Variants in GRID2 observed in about 807,000 individuals in gnomAD.
GRID2 encodes the protein glutamate receptor ionotropic, delta-2.
A neutral mutation model predicts 114.8 loss-of-function variants in GRID2; 33 were observed. That is an observed-to-expected ratio of 0.29 (90% CI 0.22 to 0.38). The LOEUF (loss-of-function observed/expected upper bound fraction) is 0.38, where lower values mean the gene tolerates loss of function less well. Ranked by LOEUF, GRID2 falls within the 10% of genes least tolerant of loss-of-function variation. The pLI, the probability that GRID2 is intolerant of heterozygous loss-of-function variation, is 1.00. For synonymous variants in GRID2, 505 were observed against 449.9 expected (o/e 1.12, Z -1.55); for missense variants, 1,184 against 1,257.7 (o/e 0.94, Z 0.89).
intron 1 of GRID2, among the ~76,000 whole-genome samples, chr4:92,586,650 A>G (rs1003314662): frequency 6.6e-6 from 1 of 151,984 alleles, no homozygotes. Flanking sequence ...AATTTAAGCC[A>G]TTATCATTGC....
intron 1 of GRID2, among the ~76,000 whole-genome samples, chr4:92,348,550 A>G (rs1054059164): frequency 3.3e-5 from 5 of 152,208 alleles, no homozygotes; most frequent in Non-Finnish European, 5.9e-5. Flanking sequence ...TAAAAGAGCT[A>G]GTTTCAGCTT....
At chr4:93,192,973 A>G (rs1741134854) in intron 4 of GRID2, among the ~76,000 whole-genome samples, 1 of 152,170 alleles carries the variant, frequency 6.6e-6, no homozygotes, top group South Asian at 2.1e-4. Context: ...AAACAAATGA[A>G]AAGCAAAACA....
At chr4:93,635,711 A>G (rs1488645142) in intron 14 of GRID2, among the ~76,000 whole-genome samples, 3 of 152,102 alleles carry the variant, frequency 2.0e-5, no homozygotes, top group East Asian at 1.9e-4. Flanking sequence ...CGGATATCCT[A>G]TGAGTTTTAG....
At chr4:93,446,805 C>A (rs1722135508) in intron 10 of GRID2, among the ~76,000 whole-genome samples, 1 of 151,994 alleles carries the variant, frequency 6.6e-6, no homozygotes, top group African/African-American at 2.4e-5. Flanking sequence ...CATGGACCAT[C>A]AACATGTGAG....
chr4:92,946,987 G>T (rs146515703), intron 2 of GRID2, among the ~76,000 whole-genome samples: 2 of 152,186 alleles, frequency 1.3e-5, no homozygotes, highest in South Asian at 4.1e-4. Context: ...AAGATGGAAA[G>T]ATTTATAGAA....
At chr4:92,582,713 A>G (rs1192476323) in intron 1 of GRID2, among the ~76,000 whole-genome samples, 1 of 151,986 alleles carries the variant, frequency 6.6e-6, no homozygotes, top group East Asian at 1.9e-4. Flanking sequence ...CTGTGATCTC[A>G]GCGCTTTGGG....
At position 93,772,281 on chromosome 4, in the gene GRID2, A is replaced by G. The variant is rs755714013; in HGVS notation, c.2807A>G (p.Gln936Arg). The change falls in exon 16 of 16, where the codon CAG (glutamine) becomes CGG (arginine). Residue 936 changes from glutamine (Q) to arginine (R), a missense_variant. Coordinates refer to ENST00000282020, the MANE Select transcript of GRID2 (RefSeq NM_001510.4). ...ACCACAACAACCTTTATCCCAGAGC[A>G]GATCCAGACTCTTAGCCGCACACTG... is the stretch of plus-strand genomic sequence containing the variant. ...HITTTTFIPEQIQTLSRTLSA... is the reference protein window; with the variant it reads ...HITTTTFIPERIQTLSRTLSA... The G allele has an allele frequency of 2.5e-6, 4 of 1,614,136 alleles. No homozygotes were observed. In the South Asian group the frequency reaches 3.3e-5, roughly 13 times the overall value.
intron 12 of GRID2, among the ~76,000 whole-genome samples, chr4:93,501,365 G>T (rs2149473966): frequency 6.6e-6 from 1 of 152,078 alleles, no homozygotes; most frequent in African/African-American, 2.4e-5. Flanking sequence ...GAGCCAAAAT[G>T]AAGGTGGATG....
At chr4:92,585,232 G>C (rs1038203248) in intron 1 of GRID2, among the ~76,000 whole-genome samples, 1 of 151,780 alleles carries the variant, frequency 6.6e-6, no homozygotes, top group South Asian at 2.1e-4. Context: ...GAGAGTGAGA[G>C]CATGCACAAA....
At chr4:92,427,809 G>T (rs1038400460) in intron 1 of GRID2, among the ~76,000 whole-genome samples, 10 of 152,058 alleles carry the variant, frequency 6.6e-5, no homozygotes, top group Non-Finnish European at 1.2e-4. Flanking sequence ...TTATCTTAAT[G>T]AATGCAAAGT....
intron 2 of GRID2, among the ~76,000 whole-genome samples, chr4:93,031,122 G>A (rs890472388): frequency 3.4e-5 from 5 of 145,904 alleles, no homozygotes; most frequent in African/African-American, 1.0e-4. Flanking sequence ...CTGCAGCCTC[G>A]GCAACCTCCA....
chr4:92,727,593 GTA>G (rs1279954984), intron 2 of GRID2, among the ~76,000 whole-genome samples: 5 of 152,010 alleles, frequency 3.3e-5, no homozygotes, highest in Non-Finnish European at 1.5e-5. Context: ...TATTTGTGTT[GTA>G]TATGTTACAG....
intron 2 of GRID2, among the ~76,000 whole-genome samples, chr4:92,828,084 A>C (rs1325980506): frequency 6.6e-6 from 1 of 152,018 alleles, no homozygotes; most frequent in Non-Finnish European, 1.5e-5. Context: ...AAAGTCTGAG[A>C]AACTGTATTC....
At chr4:93,678,308 A>G (rs940183567) in intron 14 of GRID2, among the ~76,000 whole-genome samples, 31 of 152,356 alleles carry the variant, frequency 2.0e-4, no homozygotes, top group African/African-American at 7.2e-4. Flanking sequence ...TGATTGGTGT[A>G]CCTGAAAGTG....
intron 2 of GRID2, among the ~76,000 whole-genome samples, chr4:93,009,980 T>C (rs1721958223): frequency 6.6e-6 from 1 of 152,054 alleles, no homozygotes; most frequent in South Asian, 2.1e-4. Context: ...TAAGTAATGT[T>C]AATTATGATA....
At chr4:92,552,657 T>C (rs1004248582) in intron 1 of GRID2, among the ~76,000 whole-genome samples, 1 of 152,130 alleles carries the variant, frequency 6.6e-6, no homozygotes, top group African/African-American at 2.4e-5. Context: ...TAGATGACTC[T>C]TAAGAATCTA....
chr4:92,997,271 A>G (rs1007146689), intron 2 of GRID2, among the ~76,000 whole-genome samples: 6 of 152,066 alleles, frequency 3.9e-5, no homozygotes, highest in Non-Finnish European at 8.8e-5. Flanking sequence ...GTTCATGTCT[A>G]CTCATAATGT....
chr4:93,668,951 T>C (rs1019169842), intron 14 of GRID2, among the ~76,000 whole-genome samples: 8 of 152,090 alleles, frequency 5.3e-5, no homozygotes, highest in African/African-American at 1.7e-4. Flanking sequence ...GTGGCATCAG[T>C]TTTGACCATT....
At chr4:92,918,191 A>T (rs1748980072) in intron 2 of GRID2, among the ~76,000 whole-genome samples, 1 of 152,114 alleles carries the variant, frequency 6.6e-6, no homozygotes, top group East Asian at 1.9e-4. Context: ...TTATTTTTGC[A>T]CATTGATTTT....
Sources: allele counts gnomAD v4.1 joint callset (sites outside exome capture counted in the v4.1 genomes callset), GRCh38; gene constraint gnomAD v4.1.1; transcripts MANE v1.5; gene names NCBI Gene and HGNC (gene_info 2026-07-23, HGNC 2026-07-21).